Variants in DOCK3 observed in about 807,000 individuals in gnomAD.
DOCK3 encodes dedicator of cytokinesis 3.
A neutral mutation model predicts 265.6 loss-of-function variants in DOCK3; 60 were observed. That is an observed-to-expected ratio of 0.23 (90% CI 0.18 to 0.28). The LOEUF (loss-of-function observed/expected upper bound fraction) is 0.28. Ranked by LOEUF, DOCK3 falls within the 10% of genes least tolerant of loss-of-function variation. DOCK3 has a pLI of 1.00. For missense variants in DOCK3, 1,981 were observed against 2,594.3 expected (o/e 0.76, Z 5.14); for synonymous variants, 881 against 938.0 (o/e 0.94, Z 1.11).
At chr3:50,875,673 G>A (rs1460763529) in intron 3 of DOCK3, among the ~76,000 whole-genome samples, 5 of 152,094 alleles carry the variant, frequency 3.3e-5, no homozygotes, top group African/African-American at 1.2e-4. Context: ...GATGAATGAT[G>A]TTTTTGATAT....
rs145987365 is a variant in DOCK3, at chr3:50,751,763, C to T, written c.38-26912C>T. On this transcript the variant is annotated intron_variant, in intron 1 of 52. Transcript: ENST00000266037. ...AAAGGAAAGAGGTTCAGTAGACTCA[C>T]AGTTCCACATGGCTGGGGAGGCCTT... Among the ~76,000 whole-genome samples the T allele has an allele frequency of 4.8e-3, 733 of 152,274 alleles. 4 individuals are homozygous for T. Among genetic ancestry groups the T allele is most frequent in the Non-Finnish European group, 7.7e-3 (523 of 68,016 alleles).
At chr3:51,026,010 C>A (rs891855166) in intron 5 of DOCK3, among the ~76,000 whole-genome samples, 1 of 151,780 alleles carries the variant, frequency 6.6e-6, no homozygotes, top group African/African-American at 2.4e-5. Flanking sequence ...TCTGTAGATT[C>A]TTTTGATTTT....
chr3:50,801,990 C>T (rs1026539956), intron 2 of DOCK3, among the ~76,000 whole-genome samples: 4 of 152,066 alleles, frequency 2.6e-5, no homozygotes, highest in Non-Finnish European at 5.9e-5. Context: ...AGGTCTTTTT[C>T]GTCCAATATA....
chr3:50,920,532 G>T, intron 4 of DOCK3, among the ~76,000 whole-genome samples: 1 of 152,160 alleles, frequency 6.6e-6, no homozygotes, highest in Non-Finnish European at 1.5e-5. Context: ...TAGTTTATTT[G>T]TGTAGAGGTG....
intron 1 of DOCK3, among the ~76,000 whole-genome samples, chr3:50,691,154 G>A (rs979851424): frequency 1.3e-5 from 2 of 151,490 alleles, no homozygotes; most frequent in Non-Finnish European, 2.9e-5. Context: ...TGTGGTGGCG[G>A]GCACCTGTAG....
intron 23 of DOCK3, among the ~76,000 whole-genome samples, chr3:51,262,101 C>A (rs1476516749): frequency 6.6e-6 from 1 of 152,202 alleles, no homozygotes; most frequent in Admixed American, 6.5e-5. Flanking sequence ...GATCCCTTAC[C>A]CCCGTGCCTC....
At chr3:50,887,102 T>C (rs1208044150) in intron 3 of DOCK3, among the ~76,000 whole-genome samples, 1 of 151,644 alleles carries the variant, frequency 6.6e-6, no homozygotes, top group Non-Finnish European at 1.5e-5. Context: ...TCAACAAAAT[T>C]GATAGACTGC....
At chr3:50,806,981 C>CTT (rs990724653) in intron 2 of DOCK3, among the ~76,000 whole-genome samples, 23 of 152,176 alleles carry the variant, frequency 1.5e-4, no homozygotes, top group African/African-American at 5.5e-4. Context: ...CTTCTGCTTA[C>CTT]TTTTCCCTTA....
chr3:50,812,070 C>T (rs566251085), intron 2 of DOCK3, among the ~76,000 whole-genome samples: 1 of 152,108 alleles, frequency 6.6e-6, no homozygotes, highest in African/African-American at 2.4e-5. Flanking sequence ...CTGCTGGTGG[C>T]GGTGAAACTT....
Position 51,214,107 on chromosome 3 carries a change from C to G in DOCK3, c.1127-15C>G. ...GTAGAACTGTGGTTCTAAGAAAATG[C>G]TTTTGTTTTTGCAGGTCTTATCATT... On this transcript the variant is annotated splice_polypyrimidine_tract_variant and intron_variant, in intron 13 of 52. Coordinates refer to ENST00000266037, the MANE Select transcript of DOCK3 (RefSeq NM_004947.5). The G allele has an allele frequency of 6.2e-7, 1 of 1,613,466 alleles. No individual in the cohort carries two copies. The highest frequency in any genetic ancestry group is 1.1e-5 in the South Asian group (1 of 90,996).
chr3:51,119,188 T>A (rs530028970), intron 9 of DOCK3, among the ~76,000 whole-genome samples: 1 of 152,290 alleles, frequency 6.6e-6, no homozygotes, highest in African/African-American at 2.4e-5. Context: ...AACATTTGCT[T>A]GTCTGTAAAG....
At chr3:51,230,001 T>C (rs2090479866) in intron 19 of DOCK3, among the ~76,000 whole-genome samples, 1 of 152,228 alleles carries the variant, frequency 6.6e-6, no homozygotes, top group Non-Finnish European at 1.5e-5. Context: ...GCCTGACTTA[T>C]TTCACTTAGC....
Position 51,362,651 on chromosome 3 carries a change from C to T in DOCK3, c.5270C>T (p.Thr1757Ile), listed in dbSNP as rs2086820018. The T allele has an allele frequency of 6.2e-7, 1 of 1,613,718 alleles. No individual in the cohort carries two copies. Among genetic ancestry groups the T allele is most frequent in the Non-Finnish European group, 8.5e-7 (1 of 1,179,842 alleles). ...CACTCAGCACCATCCCAGATGATTA[C>T]CTCTGCCCCTTCCAGTGCCCGAGGT... is the stretch of plus-strand genomic sequence containing the variant. ...STHSAPSQMI[T>I]SAPSSARGSP... The change falls in exon 49 of 53, where the codon ACC becomes ATC. Residue 1757 changes from threonine (T) to isoleucine (I), a missense_variant. Thr to Ile is a moderately conservative substitution (Grantham distance 89). Around this residue, in one of 4 missense-constraint regions of DOCK3, gnomAD observed 1,357 missense variants for 1,866.8 expected, o/e 0.73. Coordinates refer to ENST00000266037, the MANE Select transcript of DOCK3 (RefSeq NM_004947.5).
chr3:50,767,328 T>C (rs1480680852), intron 1 of DOCK3, among the ~76,000 whole-genome samples: 1 of 152,240 alleles, frequency 6.6e-6, no homozygotes, highest in Admixed American at 6.5e-5. Context: ...GTTTCAGCTT[T>C]CTACATATGG....
intron 9 of DOCK3, 70 bp from the exon 10 acceptor site, chr3:51,146,479 A>G: frequency 1.4e-6 from 2 of 1,469,134 alleles, no homozygotes; most frequent in Admixed American, 2.0e-5. Context: ...GTTTTTCCGT[A>G]TCTGCCCTTT....
In DOCK3 at chr3:51,362,496, C is replaced by T. The variant is rs200978463; in HGVS notation, c.5146-31C>T. 6,454 of 1,611,304 alleles carry T rather than the reference C, an allele frequency of 4.0e-3. 20 individuals carry two copies. Among genetic ancestry groups the T allele is most frequent in the Non-Finnish European group, 5.1e-3 (6,033 of 1,179,768 alleles). ...GCCCTAAAGTCCTGGCCATTCAGAC[C>T]TCTATCCTGCTGATTTTTCTCCCTT... On this transcript the variant is annotated intron_variant, in intron 48 of 52. Transcript: ENST00000266037.
At chr3:51,162,044 G>C (rs996392002) in intron 12 of DOCK3, among the ~76,000 whole-genome samples, 1 of 152,120 alleles carries the variant, frequency 6.6e-6, no homozygotes, top group Admixed American at 6.5e-5. Flanking sequence ...AAATTGTAGT[G>C]CTAAAAAAAT....
At chr3:50,678,152 G>C (rs1341305162) in intron 1 of DOCK3, among the ~76,000 whole-genome samples, 20 of 150,534 alleles carry the variant, frequency 1.3e-4, no homozygotes, top group Admixed American at 1.3e-3. Flanking sequence ...TGAAATACTT[G>C]ACTGTCTTGC....
chr3:51,354,683 G>A (rs544900317), intron 40 of DOCK3, among the ~76,000 whole-genome samples, 199 bp from the exon 41 acceptor site: 2 of 152,218 alleles, frequency 1.3e-5, no homozygotes, highest in African/African-American at 4.8e-5. Context: ...CCCTTCCCTT[G>A]GGGCTGCCAC....
Sources: allele counts gnomAD v4.1 joint callset (sites outside exome capture counted in the v4.1 genomes callset), GRCh38; gene constraint gnomAD v4.1.1; regional missense constraint gnomAD v4.1.1; transcripts MANE v1.5; gene names NCBI Gene and HGNC (gene_info 2026-07-23, HGNC 2026-07-21).